CBFA2T3: variants seen among roughly 807,000 people sequenced by gnomAD.
The protein encoded by CBFA2T3 is transcriptional corepressor CBFA2T3.
A neutral mutation model predicts 58.6 loss-of-function variants in CBFA2T3; 31 were observed. The observed-to-expected ratio is 0.53, with a 90% CI of 0.40 to 0.71. The LOEUF (loss-of-function observed/expected upper bound fraction) is 0.71. Among genes scored for constraint, CBFA2T3 ranks in the 30% least tolerant of loss-of-function variants. The probability of loss-of-function intolerance (pLI) is 0.00; values close to 1 mark genes in which losing one functional copy is unlikely to be tolerated. For synonymous variants in CBFA2T3, 531 were observed against 421.9 expected, an observed-to-expected ratio of 1.26 and a Z score of -3.17; for missense variants, 1,076 against 963.1, an observed-to-expected ratio of 1.12 and a Z score of -1.55.
intron 1 of CBFA2T3, among the ~76,000 whole-genome samples, chr16:88,967,087 T>A (rs939608825): frequency 6.6e-6 from 1 of 151,682 alleles, no homozygotes; most frequent in Non-Finnish European, 1.5e-5. Context: ...CTGAGAACAG[T>A]GCGCTGGTGT....
chr16:88,977,025 G>A lies in CBFA2T3; in HGVS notation c.-218C>T. 2 of 488,998 alleles carry A rather than the reference G, an allele frequency of 4.1e-6. No individual in the cohort carries two copies. Among genetic ancestry groups the A allele is most frequent in the Non-Finnish European group, 7.3e-6 (2 of 273,868 alleles). The allele number at this position is 488,998 out of a possible 1,614,324, so 30.3% of individuals were successfully genotyped here. A position where few individuals can be genotyped will look rare whatever the true frequency, so the allele number is the denominator to read the frequency against. ...GGGGTGGGAGCCCTGGGGCTCATGTGACGCGGGGCGGGCCTGGGGCTGCAG... is the reference window on the plus strand; with the variant it reads ...GGGGTGGGAGCCCTGGGGCTCATGTAACGCGGGGCGGGCCTGGGGCTGCAG... On this transcript the variant is annotated 5_prime_UTR_variant, in exon 1 of 12. Transcript: ENST00000268679.
intron 1 of CBFA2T3, among the ~76,000 whole-genome samples, chr16:88,926,767 TG>T (rs2142753659): frequency 6.6e-6 from 1 of 152,326 alleles, no homozygotes; most frequent in South Asian, 2.1e-4. Context: ...TGGGGGTTGC[TG>T]GGAATTCCTC....
At chr16:88,903,062 T>G (rs2059646904) in intron 1 of CBFA2T3, among the ~76,000 whole-genome samples, 2 of 152,184 alleles carry the variant, frequency 1.3e-5, no homozygotes, top group South Asian at 4.1e-4. Context: ...TGTCGTGTTA[T>G]TAGTCAACTG....
At chr16:88,895,518 C>G (rs1463966597) in intron 3 of CBFA2T3, among the ~76,000 whole-genome samples, 1 of 152,216 alleles carries the variant, frequency 6.6e-6, no homozygotes, top group Non-Finnish European at 1.5e-5. Flanking sequence ...CCCAGATTGC[C>G]TCCCGTCCCC....
chr16:88,964,439 G>A (rs917027273), intron 1 of CBFA2T3, among the ~76,000 whole-genome samples: 7 of 152,174 alleles, frequency 4.6e-5, no homozygotes, highest in African/African-American at 1.7e-4. Flanking sequence ...TTAGGGTTAG[G>A]GTGCAGAAAA....
In CBFA2T3 at chr16:88,886,047, C is replaced by G. The variant is rs767942751; in HGVS notation, c.807G>C (p.Leu269=). Residue 269 remains leucine (L), a synonymous_variant, in exon 6 of 12, where the codon CTG becomes CTC. Transcript: ENST00000268679. ...AQYLAQHEQL[L]LDASASSPID... ...TGGGGGAGGAGGCGCTGGCGTCCAG[C>G]AGGAGCTGCTCATGCTGGGCCAAGT... 1.3e-6 allele frequency: 2 copies of G among 1,583,398 alleles called. No individual in the cohort carries two copies. The highest frequency in any genetic ancestry group is 1.8e-5 in the Admixed American group (1 of 55,010).
At chr16:88,905,739 ACTGGAGGGGCGGGGCTGAAGGAC>A (rs1567597528) in intron 1 of CBFA2T3, among the ~76,000 whole-genome samples, 823 of 42,350 alleles carry the variant, frequency 0.019, 21 homozygotes, top group African/African-American at 0.071. Flanking sequence ...GAGGGGCGGG[ACTGGAGGGGCGGGGCTGAAGGAC>A]GGTGGGGATG....
At chr16:88,944,536 T>C (rs1407527451) in intron 1 of CBFA2T3, among the ~76,000 whole-genome samples, 1 of 152,054 alleles carries the variant, frequency 6.6e-6, no homozygotes, top group African/African-American at 2.4e-5. Context: ...TGGGTGTGCC[T>C]CTGAGGCCCC....
chr16:88,958,749 G>T lies in CBFA2T3; in HGVS notation c.151+17908C>A, dbSNP rs1972293256. 6.6e-6 allele frequency among the ~76,000 whole-genome samples: 1 copy of T among 152,030 alleles called. No individual in the cohort carries two copies. The highest frequency in any genetic ancestry group is 1.5e-5 in the Non-Finnish European group (1 of 67,972). The stretch of plus-strand genomic sequence containing the variant: ...GATGAACTTGCTCTCCCAGGGCTGG[G>T]GCCTCAGGGCCTCAGCGTAGCCCAG... On this transcript the variant is annotated intron_variant, in intron 1 of 11. Transcript: ENST00000268679. The surrounding 1 kb of genome is among the most constrained non-coding windows in gnomAD (Gnocchi z 4.0).
At position 88,953,251 on chromosome 16, in the gene CBFA2T3, C is replaced by G. The variant is rs572297618; in HGVS notation, c.151+23406G>C. On this transcript the variant is annotated intron_variant, in intron 1 of 11. Coordinates refer to ENST00000268679, the MANE Select transcript of CBFA2T3 (RefSeq NM_005187.6). This position sits in a 1 kb window ranked among gnomAD's most constrained non-coding sequence, Gnocchi z 4.9. Reference sequence around the variant, plus strand: ...CTCCCGGTGGAGAGGCCGAGGGACCCTCATTTCTACGTTTGCATCCCTTTC... The same window carrying G: ...CTCCCGGTGGAGAGGCCGAGGGACCGTCATTTCTACGTTTGCATCCCTTTC... Among the ~76,000 whole-genome samples the G allele has an allele frequency of 1.3e-5, 2 of 152,328 alleles. No homozygotes were observed. Among genetic ancestry groups the G allele is most frequent in the South Asian group, 4.1e-4 (2 of 4,828 alleles).
intron 1 of CBFA2T3, among the ~76,000 whole-genome samples, chr16:88,928,823 T>G (rs1597740445): frequency 6.6e-6 from 1 of 152,000 alleles, no homozygotes; most frequent in Non-Finnish European, 1.5e-5. Flanking sequence ...ACTGAAAAGG[T>G]GCCATCTGAG....
At chr16:88,948,282 A>G (rs2142831392) in intron 1 of CBFA2T3, among the ~76,000 whole-genome samples, 1 of 152,348 alleles carries the variant, frequency 6.6e-6, no homozygotes, top group South Asian at 2.1e-4. Flanking sequence ...AGAAATCAGC[A>G]GGTTGCAGCA....
intron 1 of CBFA2T3, among the ~76,000 whole-genome samples, chr16:88,927,649 G>C (rs900410744): frequency 6.6e-6 from 1 of 152,182 alleles, no homozygotes; most frequent in African/African-American, 2.4e-5. Context: ...AGCTGTAGGG[G>C]GGTTCAGCTG....
At chr16:88,935,570 G>A (rs1175056757) in intron 1 of CBFA2T3, among the ~76,000 whole-genome samples, 9 of 152,376 alleles carry the variant, frequency 5.9e-5, no homozygotes, top group African/African-American at 1.9e-4. Flanking sequence ...AAGCTTGCAG[G>A]CTGTCCTCGC....
intron 1 of CBFA2T3, among the ~76,000 whole-genome samples, chr16:88,920,268 G>A (rs1307763959): frequency 6.6e-6 from 1 of 152,122 alleles, no homozygotes; most frequent in African/African-American, 2.4e-5. Flanking sequence ...GGGGAGAACT[G>A]AATTTTACAT....
chr16:88,960,069 A>G (rs2142861199), intron 1 of CBFA2T3, among the ~76,000 whole-genome samples: 1 of 150,326 alleles, frequency 6.7e-6, no homozygotes, highest in Non-Finnish European at 1.5e-5. Context: ...TAAATCATTA[A>G]GGTTCCAAGG....
intron 1 of CBFA2T3, among the ~76,000 whole-genome samples, chr16:88,922,303 G>C (rs1597730454): frequency 6.6e-6 from 1 of 152,238 alleles, no homozygotes; most frequent in African/African-American, 2.4e-5. Context: ...TCTCAGAGCC[G>C]GTCTAGCCAG....
intron 1 of CBFA2T3, among the ~76,000 whole-genome samples, chr16:88,920,045 C>T (rs1019477668): frequency 6.6e-6 from 1 of 152,230 alleles, no homozygotes; most frequent in Admixed American, 6.5e-5. Context: ...GGATTCAACC[C>T]GCTCCCTGGG....
intron 5 of CBFA2T3, among the ~76,000 whole-genome samples, chr16:88,888,419 C>T (rs1177630116): frequency 9.9e-6 from 1 of 100,806 alleles, no homozygotes; most frequent in African/African-American, 4.2e-5. Flanking sequence ...GAAGGTCGGA[C>T]TCCCCCACTG....
Sources: allele counts gnomAD v4.1 joint callset (sites outside exome capture counted in the v4.1 genomes callset), GRCh38; gene constraint gnomAD v4.1.1; non-coding constraint Gnocchi (gnomAD v3.1); transcripts MANE v1.5; gene names NCBI Gene and HGNC (gene_info 2026-07-23, HGNC 2026-07-21).